GRIN3A: variants seen among roughly 807,000 people sequenced by gnomAD.
The protein encoded by GRIN3A is glutamate ionotropic receptor NMDA type subunit 3A.
In GRIN3A, 47 loss-of-function variants were observed where a neutral mutation model predicts 92.4. That is an observed-to-expected ratio of 0.51 (90% CI 0.40 to 0.65). GRIN3A has a LOEUF of 0.65. Ranked by LOEUF, GRIN3A falls within the 30% of genes least tolerant of loss-of-function variation. The pLI is 0.00. For missense variants in GRIN3A, 1,324 were observed against 1,393.1 expected, an observed-to-expected ratio of 0.95 and a Z score of 0.79; for synonymous variants, 527 against 540.6, an observed-to-expected ratio of 0.97 and a Z score of 0.35.
chr9:101,671,609 T>A (rs185323338), intron 2 of GRIN3A, among the ~76,000 whole-genome samples: 13 of 152,314 alleles, frequency 8.5e-5, no homozygotes, highest in Non-Finnish European at 1.8e-4. Context: ...AATAATTGCT[T>A]AAACACTGCA....
At chr9:101,694,347 A>G (rs968517692) in intron 1 of GRIN3A, among the ~76,000 whole-genome samples, 1 of 151,166 alleles carries the variant, frequency 6.6e-6, no homozygotes, top group African/African-American at 2.4e-5. Flanking sequence ...AGGAGCATGC[A>G]TATTACATTC....
chr9:101,631,301 T>A (rs1828707410), intron 3 of GRIN3A, among the ~76,000 whole-genome samples: 2 of 152,216 alleles, frequency 1.3e-5, no homozygotes, highest in South Asian at 4.1e-4. Flanking sequence ...AGCTTTGTCA[T>A]CTCACTTAGC....
chr9:101,613,391 ACTT>A lies in GRIN3A; in HGVS notation c.2748_2750del (p.Arg916del), dbSNP rs1339558285. 2.2e-5 allele frequency: 35 copies of A among 1,614,000 alleles called. No homozygotes were observed. Among genetic ancestry groups the A allele is most frequent in the Non-Finnish European group, 2.8e-5 (33 of 1,180,020 alleles). Reference sequence around the variant, plus strand: ...CTTTCCATACCTCCGTGACAGCAAAACTTCTCTTGCCACAGGGAACCACCCTGT... The same window carrying A: ...CTTTCCATACCTCCGTGACAGCAAAACTCTTGCCACAGGGAACCACCCTGT... On this transcript the variant is annotated inframe_deletion, in exon 6 of 9. Coordinates refer to ENST00000361820, the MANE Select transcript of GRIN3A (RefSeq NM_133445.3).
intron 3 of GRIN3A, among the ~76,000 whole-genome samples, chr9:101,661,391 C>T (rs140144905): frequency 0.013 from 2,015 of 151,860 alleles, 62 homozygotes; most frequent in Admixed American, 0.06. Flanking sequence ...ATTTTATATA[C>T]GTTGCATTAT....
chr9:101,676,397 C>T (rs933271303), intron 2 of GRIN3A, among the ~76,000 whole-genome samples: 1 of 151,688 alleles, frequency 6.6e-6, no homozygotes, highest in African/African-American at 2.4e-5. Context: ...ATTAATTTTT[C>T]CCCCTGGGAA....
chr9:101,602,051 C>T (rs1462788404), intron 6 of GRIN3A, among the ~76,000 whole-genome samples: 1 of 152,088 alleles, frequency 6.6e-6, no homozygotes, highest in African/African-American at 2.4e-5. Context: ...GCATTGGCTT[C>T]CCTGGCCAGC....
intron 1 of GRIN3A, 45 bp from the exon 2 acceptor site, chr9:101,687,245 A>G (rs950916646): frequency 2.5e-6 from 4 of 1,603,558 alleles, no homozygotes; most frequent in Non-Finnish European, 3.4e-6. Flanking sequence ...AGCATTGGCC[A>G]AAGACTTTAA....
intron 3 of GRIN3A, among the ~76,000 whole-genome samples, chr9:101,646,340 A>G (rs1404927523): frequency 3.3e-5 from 5 of 151,794 alleles, no homozygotes; most frequent in Non-Finnish European, 5.9e-5. Context: ...TCTCTTCAAT[A>G]TGCATTGAAA....
intron 1 of GRIN3A, among the ~76,000 whole-genome samples, chr9:101,727,715 C>G (rs1320580716): frequency 6.6e-6 from 1 of 151,682 alleles, no homozygotes; most frequent in Non-Finnish European, 1.5e-5. Flanking sequence ...GTGAATTAAT[C>G]TACATTTTCC....
rs1588275768 is a variant in GRIN3A at position 101,670,902 on chromosome 9, T to C, written c.1510A>G (p.Lys504Glu). The part of the protein sequence containing the change: ...GIWPEQAQRH[K>E]THFQHPSKLH... The stretch of plus-strand genomic sequence containing the variant: ...TTACTTGGATGTTGGAAGTGGGTTT[T>C]GTGTCTCTGGGCCTGCTCTGGCCAT... Residue 504 changes from lysine to glutamate, a missense_variant, in exon 3 of 9, where the codon AAA becomes GAA. Transcript: ENST00000361820. 6.2e-7 allele frequency: 1 copy of C among 1,612,246 alleles called. No homozygotes were observed. The highest frequency in any genetic ancestry group is 2.2e-5 in the East Asian group (1 of 44,810).
At chr9:101,679,939 G>A (rs552034884) in intron 2 of GRIN3A, among the ~76,000 whole-genome samples, 1 of 152,288 alleles carries the variant, frequency 6.6e-6, no homozygotes, top group East Asian at 1.9e-4. Context: ...ATGCAGATGC[G>A]ATTTGTATAG....
At chr9:101,685,906 G>A (rs951852018) in intron 2 of GRIN3A, among the ~76,000 whole-genome samples, 38 of 151,782 alleles carry the variant, frequency 2.5e-4, no homozygotes, top group African/African-American at 9.2e-4. Context: ...TTACATAAAT[G>A]AATATAGAAC....
intron 4 of GRIN3A, among the ~76,000 whole-genome samples, chr9:101,626,145 A>G (rs927898881): frequency 1.3e-5 from 2 of 152,206 alleles, no homozygotes; most frequent in Non-Finnish European, 2.9e-5. Flanking sequence ...TGTGGTTCAC[A>G]GGGCCCCCAA....
intron 3 of GRIN3A, among the ~76,000 whole-genome samples, chr9:101,661,912 T>G (rs1829176617): frequency 6.6e-6 from 1 of 151,910 alleles, no homozygotes; most frequent in African/African-American, 2.4e-5. Flanking sequence ...GGCAAAAATG[T>G]CTCATTTCTG....
rs761500869 is a variant in GRIN3A at position 101,573,236 on chromosome 9, C to A, written c.3286G>T (p.Ala1096Ser). The A allele has an allele frequency of 6.8e-6, 11 of 1,614,140 alleles. No homozygotes were observed. The South Asian group carries it at 1.2e-4, about 18-fold the overall frequency. The change falls in exon 9 of 9, where the codon GCT becomes TCT. Residue 1096 changes from alanine (A) to serine (S), a missense_variant. Transcript: ENST00000361820. ...TCCAGCTCCGTTTTCCTGCTCACAGCCAGCTGCAGCTCCTGACGGATCACC... is the reference window on the plus strand; with the variant it reads ...TCCAGCTCCGTTTTCCTGCTCACAGACAGCTGCAGCTCCTGACGGATCACC... ...IQVIRQELQL[A>S]VSRKTELEEY...
chr9:101,726,678 TAAA>T (rs1301166808), intron 1 of GRIN3A, among the ~76,000 whole-genome samples: 3 of 151,076 alleles, frequency 2.0e-5, no homozygotes, highest in Non-Finnish European at 1.5e-5. Flanking sequence ...TATTTAAAAT[TAAA>T]AAAATATTTT....
intron 6 of GRIN3A, among the ~76,000 whole-genome samples, chr9:101,595,997 TC>T (rs1425888182): frequency 6.6e-6 from 1 of 152,200 alleles, no homozygotes; most frequent in African/African-American, 2.4e-5. Flanking sequence ...CTTCTTCCTT[TC>T]GGAGCGCATC....
chr9:101,638,981 T>C (rs145421988), intron 3 of GRIN3A, among the ~76,000 whole-genome samples: 42 of 152,374 alleles, frequency 2.8e-4, no homozygotes, highest in Middle Eastern at 6.8e-3. Flanking sequence ...TGCTGGTTTA[T>C]GCGCTTGGCC....
intron 5 of GRIN3A, among the ~76,000 whole-genome samples, chr9:101,615,599 C>T (rs1425502055): frequency 6.6e-6 from 1 of 152,102 alleles, no homozygotes; most frequent in Non-Finnish European, 1.5e-5. Flanking sequence ...TCGTGATCCA[C>T]CTGCCTCGGC....
Sources: allele counts gnomAD v4.1 joint callset (sites outside exome capture counted in the v4.1 genomes callset), GRCh38; gene constraint gnomAD v4.1.1; transcripts MANE v1.5; gene names NCBI Gene and HGNC (gene_info 2026-07-23, HGNC 2026-07-21).